PSPC1: variants seen among roughly 807,000 people sequenced by gnomAD.
PSPC1 encodes paraspeckle protein 1.
Under a neutral mutation model 51.6 loss-of-function variants are expected in PSPC1, and 14 were observed. The observed-to-expected ratio is 0.27, with a 90% confidence interval of 0.18 to 0.42. PSPC1 has a LOEUF of 0.42. Among genes scored for constraint, PSPC1 ranks in the 10% least tolerant of loss-of-function variants. The pLI is 1.00. For missense variants in PSPC1, 406 were observed against 701.1 expected (o/e 0.58, Z 4.75); for synonymous variants, 193 against 231.9 (o/e 0.83, Z 1.53).
downstream of PSPC1, among the ~76,000 whole-genome samples, chr13:19,700,742 A>ATATAT (rs1315928236): frequency 6.6e-6 from 1 of 152,130 alleles, no homozygotes; most frequent in African/African-American, 2.4e-5. Flanking sequence ...TAATATTGTT[A>ATATAT]TATATTAAAA....
chr13:19,731,116 A>G (rs1884053024), intron 5 of PSPC1, among the ~76,000 whole-genome samples: 1 of 152,150 alleles, frequency 6.6e-6, no homozygotes, highest in Non-Finnish European at 1.5e-5. Context: ...AGGAAGCCTT[A>G]CCAACTCCTC....
At chr13:19,686,414 AAAG>A (rs1446291360) in intron 6 of PSPC1, among the ~76,000 whole-genome samples, 9 of 152,194 alleles carry the variant, frequency 5.9e-5, no homozygotes, top group Non-Finnish European at 1.3e-4. Context: ...TCAATTAGGA[AAAG>A]AAGGTCTAAA....
At chr13:19,690,994 G>T (rs1389131895) in intron 6 of PSPC1, among the ~76,000 whole-genome samples, 2 of 152,142 alleles carry the variant, frequency 1.3e-5, no homozygotes, top group Non-Finnish European at 1.5e-5. Flanking sequence ...AAAGAAGGTA[G>T]GGACAGTGTC....
intron 1 of PSPC1, among the ~76,000 whole-genome samples, chr13:19,773,473 CCA>C (rs1016478378): frequency 3.8e-4 from 57 of 151,846 alleles, no homozygotes; most frequent in African/African-American, 1.3e-3. Context: ...ACTCCTGACT[CCA>C]GATTTGCCCA....
Position 19,743,096 on chromosome 13 carries a change from A to T in PSPC1, c.968-1447T>A, listed in dbSNP as rs537799747. Among the ~76,000 whole-genome samples, 31 of 152,314 alleles carry T rather than the reference A, an allele frequency of 2.0e-4. 2 individuals are homozygous for T. In the South Asian group the frequency reaches 4.4e-3, roughly 21 times the overall value. On this transcript the variant is annotated intron_variant, in intron 4 of 8. Coordinates refer to ENST00000338910, the MANE Select transcript of PSPC1 (RefSeq NM_001354909.2). ...AGTACATTTGTATTGCACATCTAAG[A>T]AGTAGTGTATAAACTTTCCACGTTA...
intron 3 of PSPC1, among the ~76,000 whole-genome samples, chr13:19,754,218 G>A (rs1886846946): frequency 6.6e-6 from 1 of 151,878 alleles, no homozygotes; most frequent in African/African-American, 2.4e-5. Flanking sequence ...CCAAATAGCT[G>A]GGATTACAGG....
downstream of PSPC1, chr13:19,671,768 G>A: frequency 6.6e-7 from 1 of 1,510,744 alleles, no homozygotes; most frequent in Non-Finnish European, 9.1e-7. Context: ...CCATTTGTGG[G>A]TTTTTTCTTG....
At chr13:19,679,456 A>C (rs568526902) in intron 6 of PSPC1, among the ~76,000 whole-genome samples, 17 of 152,306 alleles carry the variant, frequency 1.1e-4, no homozygotes, top group African/African-American at 4.1e-4. Flanking sequence ...AGATCACACC[A>C]CTGTGCTCCA....
At chr13:19,745,476 T>A (rs554910505) in intron 4 of PSPC1, among the ~76,000 whole-genome samples, 1 of 152,318 alleles carries the variant, frequency 6.6e-6, no homozygotes, top group East Asian at 1.9e-4. Flanking sequence ...CAGTGTTTTC[T>A]CAATTTAAAA....
chr13:19,713,545 C>CAAAAAAAAAA (rs61024238), intron 6 of PSPC1, among the ~76,000 whole-genome samples: 27 of 87,166 alleles, frequency 3.1e-4, no homozygotes, highest in Admixed American at 5.1e-4. Context: ...CCCAGACAGC[C>CAAAAAAAAAA]AAAAAAAAAA....
intron 7 of PSPC1, among the ~76,000 whole-genome samples, chr13:19,706,034 C>G (rs1331322916): frequency 2.0e-5 from 3 of 152,184 alleles, no homozygotes; most frequent in Non-Finnish European, 4.4e-5. Flanking sequence ...GCCAAACGTA[C>G]ATAAAATCAA....
chr13:19,699,155 A>C (rs1158321314), downstream of PSPC1, among the ~76,000 whole-genome samples: 1 of 151,958 alleles, frequency 6.6e-6, no homozygotes, highest in Non-Finnish European at 1.5e-5. Context: ...ACAAATTCAA[A>C]ATATTCTCAC....
chr13:19,735,217 C>A (rs1884641005), intron 5 of PSPC1, among the ~76,000 whole-genome samples: 1 of 152,024 alleles, frequency 6.6e-6, no homozygotes, highest in Non-Finnish European at 1.5e-5. Flanking sequence ...GAGGCTGAGG[C>A]AGGAGAATCA....
At chr13:19,695,408 T>C (rs1220310557) in intron 6 of PSPC1, among the ~76,000 whole-genome samples, 1 of 152,222 alleles carries the variant, frequency 6.6e-6, no homozygotes, top group African/African-American at 2.4e-5. Context: ...AGCATGTTAT[T>C]TTCCACAAAC....
In PSPC1 at chr13:19,703,152, G is replaced by A. The variant is rs1306465565; in HGVS notation, c.*23C>T. 1 of 1,593,002 alleles carries A rather than the reference G, an allele frequency of 6.3e-7. No individual in the cohort carries two copies. The highest frequency in any genetic ancestry group is 1.4e-5 in the African/African-American group (1 of 72,700). ...CATACCACTGACTTTTTTTTTTCTAGATAGCCAGGAATGAACGAATGTTTA... is the reference window on the plus strand; with the variant it reads ...CATACCACTGACTTTTTTTTTTCTAAATAGCCAGGAATGAACGAATGTTTA... On this transcript the variant is annotated 3_prime_UTR_variant, in exon 9 of 9. Transcript: ENST00000338910.
In PSPC1 at chr13:19,703,041, A is replaced by T. The variant is rs1593567101; in HGVS notation, c.*134T>A. ...AATAAAGAAAAATACAAAAACCTCAAGTTTTACAAAAAAAAAAAAACTTTT... is the reference window on the plus strand; with the variant it reads ...AATAAAGAAAAATACAAAAACCTCATGTTTTACAAAAAAAAAAAAACTTTT... On this transcript the variant is annotated 3_prime_UTR_variant, in exon 9 of 9. Transcript: ENST00000338910. 7 of 525,836 alleles carry T rather than the reference A, an allele frequency of 1.3e-5. No individual in the cohort carries two copies. Among genetic ancestry groups the T allele is most frequent in the Non-Finnish European group, 2.3e-5 (7 of 301,686 alleles). 32.6% of individuals were successfully genotyped at this position (525,836 alleles called of 1,614,324 possible).
chr13:19,781,471 C>A (rs1054104811), intron 1 of PSPC1, among the ~76,000 whole-genome samples: 3 of 152,070 alleles, frequency 2.0e-5, no homozygotes, highest in African/African-American at 7.2e-5. Flanking sequence ...TACTCTGATA[C>A]TGGGATATGT....
intron 2 of PSPC1, 67 bp downstream of exon 2, chr13:19,772,173 CAG>C (rs1237982671): frequency 3.3e-6 from 5 of 1,506,786 alleles, no homozygotes; most frequent in Non-Finnish European, 3.6e-6. Context: ...CAATGAAAGA[CAG>C]AATTCCAAAA....
At chr13:19,748,828 CCA>C (rs997931511) in intron 4 of PSPC1, among the ~76,000 whole-genome samples, 5 of 149,854 alleles carry the variant, frequency 3.3e-5, no homozygotes, top group African/African-American at 1.2e-4. Context: ...GCTAGGGTAA[CCA>C]CAGAGCCCAG....
Sources: allele counts gnomAD v4.1 joint callset (sites outside exome capture counted in the v4.1 genomes callset), GRCh38; gene constraint gnomAD v4.1.1; transcripts MANE v1.5; gene names NCBI Gene and HGNC (gene_info 2026-07-23, HGNC 2026-07-21).